The following CHST8 variants were observed in gnomAD, a reference collection of about 807,000 sequenced individuals.
CHST8 encodes the protein carbohydrate sulfotransferase 8.
In CHST8, 10 loss-of-function variants were observed where a neutral mutation model predicts 15.0. The observed-to-expected ratio is 0.67, with a 90% CI of 0.41 to 1.13. The LOEUF (loss-of-function observed/expected upper bound fraction) is 1.13, where lower values mean the gene tolerates loss of function less well. Ranked by LOEUF, CHST8 falls within the 50% of genes most tolerant of loss-of-function variation. The pLI is 0.00. For synonymous variants in CHST8, 259 were observed against 256.6 expected, an observed-to-expected ratio of 1.01 and a Z score of -0.09; for missense variants, 634 against 608.2, an observed-to-expected ratio of 1.04 and a Z score of -0.45.
intron 2 of CHST8, among the ~76,000 whole-genome samples, chr19:33,674,376 G>A (rs749305266): frequency 2.6e-5 from 4 of 152,226 alleles, no homozygotes; most frequent in Non-Finnish European, 5.9e-5. Context: ...GGTCCCACTC[G>A]TCTGTACAGA....
intron 3 of CHST8, among the ~76,000 whole-genome samples, chr19:33,768,674 G>A (rs565038859): frequency 5.4e-4 from 82 of 152,100 alleles, no homozygotes; most frequent in African/African-American, 9.6e-4. Context: ...GGCTAGTCTC[G>A]AACTCCCGGA....
intron 3 of CHST8, among the ~76,000 whole-genome samples, chr19:33,770,725 C>T (rs1316988331): frequency 1.3e-5 from 2 of 152,280 alleles, no homozygotes; most frequent in Non-Finnish European, 2.9e-5. Context: ...AGTAAGTTAA[C>T]GCTGGACAAT....
intron 1 of CHST8, among the ~76,000 whole-genome samples, chr19:33,623,970 T>C (rs1972019002): frequency 6.6e-6 from 1 of 152,220 alleles, no homozygotes; most frequent in Admixed American, 6.5e-5. Context: ...CCAGTGGGAC[T>C]GGCTGATCAA....
chr19:33,650,925 T>A (rs1972440502), intron 1 of CHST8, among the ~76,000 whole-genome samples: 1 of 152,142 alleles, frequency 6.6e-6, no homozygotes, highest in Non-Finnish European at 1.5e-5. Flanking sequence ...GGTCTTGAAC[T>A]CCTGACCTGA....
At position 33,772,965 on chromosome 19, in the gene CHST8, G is replaced by T. The variant is rs1975040874; in HGVS notation, c.1177G>T (p.Ala393Ser). ...AGCGAGGATCGCCCACCAGTACTTC[G>T]CCCAACTCTCGGCCCTGCAAAGGCA... The part of the protein sequence containing the change: ...TTARIAHQYF[A>S]QLSALQRQRT... The change falls in exon 5 of 5, where the codon GCC (alanine) becomes TCC (serine). Residue 393 changes from alanine (A) to serine (S), a missense_variant. Transcript: ENST00000650847. The T allele has an allele frequency of 6.2e-7, 1 of 1,613,454 alleles. No homozygotes were observed.
chr19:33,704,814 G>A (rs1157048869), intron 3 of CHST8, among the ~76,000 whole-genome samples: 3 of 151,862 alleles, frequency 2.0e-5, no homozygotes, highest in African/African-American at 4.8e-5. Flanking sequence ...GGAGGCCGAG[G>A]CAGGAGAATA....
chr19:33,681,809 G>T (rs1026169744), intron 2 of CHST8, among the ~76,000 whole-genome samples: 13 of 152,058 alleles, frequency 8.5e-5, no homozygotes, highest in African/African-American at 3.1e-4. Context: ...GAGCCTGATG[G>T]CTACCCTGTG....
rs192360347 is a variant in CHST8, at chr19:33,719,259, G to C, written c.130+29868G>C. On this transcript the variant is annotated intron_variant, in intron 3 of 4. Coordinates refer to ENST00000650847, the MANE Select transcript of CHST8 (RefSeq NM_001127895.2). The stretch of plus-strand genomic sequence containing the variant: ...TCTGTCAGCCGGGGGTGGGCCGGGT[G>C]GGGGAGCCCTGGGCGGGGAGGCAGG... Among the ~76,000 whole-genome samples the C allele has an allele frequency of 2.1e-3, 314 of 152,076 alleles. 1 individual carries two copies. Among genetic ancestry groups the C allele is most frequent in the African/African-American group, 7.1e-3 (296 of 41,488 alleles).
chr19:33,757,506 GAAA>G (rs1974605552), intron 3 of CHST8, among the ~76,000 whole-genome samples: 4 of 47,042 alleles, frequency 8.5e-5, no homozygotes, highest in Admixed American at 2.4e-4. Flanking sequence ...AAGAAAGAAA[GAAA>G]GAAAGAAAGA....
chr19:33,624,345 G>A (rs1170097998), intron 1 of CHST8, among the ~76,000 whole-genome samples: 1 of 152,146 alleles, frequency 6.6e-6, no homozygotes, highest in African/African-American at 2.4e-5. Context: ...CCTGGGCTTG[G>A]TAGAACATCC....
intron 3 of CHST8, among the ~76,000 whole-genome samples, chr19:33,742,557 A>G (rs547387860): frequency 1.3e-3 from 205 of 152,296 alleles, no homozygotes; most frequent in Non-Finnish European, 2.1e-3. Context: ...CTGCACCCCC[A>G]TGACTGAAAC....
intron 3 of CHST8, among the ~76,000 whole-genome samples, chr19:33,726,854 G>A (rs1973912267): frequency 6.6e-6 from 1 of 152,024 alleles, no homozygotes; most frequent in Non-Finnish European, 1.5e-5. Context: ...CCAGCCCTCA[G>A]GGCCATCCCG....
At chr19:33,747,506 T>C (rs1001281078) in intron 3 of CHST8, among the ~76,000 whole-genome samples, 2 of 152,072 alleles carry the variant, frequency 1.3e-5, no homozygotes, top group African/African-American at 4.8e-5. Flanking sequence ...TAAGCTACCA[T>C]GTAAAAATAA....
At chr19:33,660,637 C>T (rs903029068) in intron 1 of CHST8, among the ~76,000 whole-genome samples, 4 of 152,308 alleles carry the variant, frequency 2.6e-5, no homozygotes, top group Non-Finnish European at 4.4e-5. Context: ...CGGAAGTTGC[C>T]GCCCCTTTCA....
chr19:33,765,053 C>CAT (rs72103213), intron 3 of CHST8, among the ~76,000 whole-genome samples: 5,127 of 87,160 alleles, frequency 0.059, 526 homozygotes, highest in Non-Finnish European at 0.071. Context: ...ACTATTCCAT[C>CAT]ATATATATAT....
intron 1 of CHST8, among the ~76,000 whole-genome samples, chr19:33,637,358 G>A (rs1972218173): frequency 6.6e-6 from 1 of 151,900 alleles, no homozygotes; most frequent in Non-Finnish European, 1.5e-5. Flanking sequence ...GCCTCTGACA[G>A]AAGGATCCCT....
chr19:33,727,640 G>T (rs770329111), intron 3 of CHST8, among the ~76,000 whole-genome samples: 1 of 152,314 alleles, frequency 6.6e-6, no homozygotes, highest in Non-Finnish European at 1.5e-5. Flanking sequence ...CTGGCCATTT[G>T]CTCCCATTTC....
intron 3 of CHST8, among the ~76,000 whole-genome samples, chr19:33,755,472 G>A (rs188106695): frequency 1.1e-4 from 16 of 146,052 alleles, no homozygotes; most frequent in African/African-American, 3.6e-4. Context: ...CTGAGCAGCA[G>A]TGAATCACCT....
intron 3 of CHST8, among the ~76,000 whole-genome samples, chr19:33,714,437 T>C (rs754488172): frequency 2.0e-5 from 3 of 152,040 alleles, no homozygotes; most frequent in Non-Finnish European, 4.4e-5. Flanking sequence ...AAGTGGGAGC[T>C]AAACGATGGG....
Sources: gnomAD v4.1 joint callset for allele counts (sites outside exome capture counted in the v4.1 genomes callset) on GRCh38, gnomAD v4.1.1 for gene constraint, MANE v1.5 for transcripts, NCBI Gene and HGNC (gene_info 2026-07-23, HGNC 2026-07-21) for gene names.